The following SORBS2 variants were observed in gnomAD, a reference collection of about 807,000 sequenced individuals.
The protein encoded by SORBS2 is sorbin and SH3 domain containing 2.
Under a neutral mutation model 97.7 loss-of-function variants are expected in SORBS2, and 46 were observed. The observed-to-expected ratio is 0.47, with a 90% CI of 0.37 to 0.60. SORBS2 has a LOEUF of 0.60. Ranked by LOEUF, SORBS2 falls within the 20% of genes least tolerant of loss-of-function variation. The probability of loss-of-function intolerance (pLI) is 0.00; values close to 1 mark genes in which losing one functional copy is unlikely to be tolerated. For missense variants in SORBS2, 1,316 were observed against 1,282.3 expected, an observed-to-expected ratio of 1.03 and a Z score of -0.40; for synonymous variants, 476 against 473.4, an observed-to-expected ratio of 1.01 and a Z score of -0.07.
intron 2 of SORBS2, among the ~76,000 whole-genome samples, chr4:185,687,937 G>A (rs1561920434): frequency 2.0e-5 from 3 of 152,154 alleles, no homozygotes; most frequent in East Asian, 1.9e-4. Context: ...GAATCCTAAC[G>A]CTGGTCTTGC....
intron 1 of SORBS2, among the ~76,000 whole-genome samples, chr4:185,874,581 A>G (rs72707664): frequency 0.22 from 33,308 of 152,114 alleles, 4,179 homozygotes; most frequent in East Asian, 0.54. Flanking sequence ...TCAAGCTAAG[A>G]AGCAGCTTTA....
chr4:185,626,807 T>C (rs770062460), intron 6 of SORBS2, 25 bp downstream of exon 18: 3 of 1,608,302 alleles, frequency 1.9e-6, no homozygotes, highest in Non-Finnish European at 2.6e-6. Flanking sequence ...TAGTAAATTG[T>C]TGTGTTTTCA....
exon 7 of SORBS2, chr4:185,624,231 G>A (rs761533513): frequency 1.7e-5 from 27 of 1,614,070 alleles, no homozygotes; most frequent in Non-Finnish European, 2.2e-5. Context: ...TTCGGGTCCG[G>A]GAAGCTATCG....
intron 1 of SORBS2, among the ~76,000 whole-genome samples, chr4:185,924,804 C>T (rs928785009): frequency 1.3e-5 from 2 of 152,236 alleles, no homozygotes; most frequent in African/African-American, 4.8e-5. Context: ...CCACTCCCTC[C>T]GTCTCTATAC....
intron 1 of SORBS2, among the ~76,000 whole-genome samples, chr4:185,834,424 T>C (rs561414008): frequency 1.4e-4 from 21 of 152,316 alleles, no homozygotes; most frequent in African/African-American, 5.1e-4. Context: ...ATTGTTAGCA[T>C]GTACACGTTT....
intron 1 of SORBS2, among the ~76,000 whole-genome samples, chr4:185,847,188 T>C (rs778714462): frequency 6.6e-4 from 100 of 152,342 alleles, no homozygotes; most frequent in Non-Finnish European, 1.1e-3. Context: ...GTAAGTCTGC[T>C]CCAGTGGACT....
At chr4:185,763,378 G>C (rs2098915479) in intron 2 of SORBS2, among the ~76,000 whole-genome samples, 1 of 152,036 alleles carries the variant, frequency 6.6e-6, no homozygotes, top group Non-Finnish European at 1.5e-5. Flanking sequence ...CTGCTATACT[G>C]GCCCTTCCTT....
intron 4 of SORBS2, chr4:185,677,670 T>C (rs1404676636): frequency 6.9e-7 from 1 of 1,449,396 alleles, no homozygotes; most frequent in South Asian, 1.4e-5. Context: ...GAGAAAGAAA[T>C]AAAGTTGAAA....
chr4:185,938,955 A>ACAT (rs2099270479), intron 1 of SORBS2, among the ~76,000 whole-genome samples: 1 of 152,200 alleles, frequency 6.6e-6, no homozygotes, highest in Non-Finnish European at 1.5e-5. Flanking sequence ...ACTTTTAAAG[A>ACAT]CATCACTACG....
At chr4:185,889,015 G>A (rs930342966) in intron 1 of SORBS2, among the ~76,000 whole-genome samples, 1 of 152,222 alleles carries the variant, frequency 6.6e-6, no homozygotes, top group Middle Eastern at 3.2e-3. Flanking sequence ...ATTATGCCTT[G>A]TGAGGCGATC....
At chr4:185,935,079 T>C (rs2099268323) in intron 1 of SORBS2, among the ~76,000 whole-genome samples, 1 of 152,168 alleles carries the variant, frequency 6.6e-6, no homozygotes, top group Non-Finnish European at 1.5e-5. Context: ...CAGCCAACAA[T>C]CAAGGCTAAT....
chr4:185,771,536 T>C (rs939926810), intron 2 of SORBS2: 19 of 152,338 alleles, frequency 1.2e-4, no homozygotes, highest in African/African-American at 4.3e-4. Context: ...AGCTTCTACA[T>C]ATGGCACTTC....
At chr4:185,955,010 A>C (rs1457700323) in intron 1 of SORBS2, among the ~76,000 whole-genome samples, 2 of 152,210 alleles carry the variant, frequency 1.3e-5, no homozygotes, top group Non-Finnish European at 2.9e-5. Flanking sequence ...TAGAAACTAT[A>C]ATCAATGCCT....
intron 1 of SORBS2, among the ~76,000 whole-genome samples, chr4:185,860,773 T>C (rs543916278): frequency 1.3e-5 from 2 of 152,164 alleles, no homozygotes; most frequent in African/African-American, 2.4e-5. Flanking sequence ...ACTTTCTGAT[T>C]GGCAGTTGGT....
In SORBS2 at chr4:185,868,992, C is replaced by T. The variant is rs577787715; in HGVS notation, c.-338+87204G>A. ...ATGGAGCATATGAGAAATACACAAT[C>T]GCAGCAAACTTCTGAACGCTTGGAC... On this transcript the variant is annotated intron_variant, in intron 1 of 20. Coordinates refer to the SORBS2 transcript ENST00000284776. Among the ~76,000 whole-genome samples the T allele has an allele frequency of 3.9e-5, 6 of 152,264 alleles. No homozygotes were observed. In the South Asian group the frequency reaches 6.2e-4, roughly 16 times the overall value.
At chr4:185,757,721 A>G (rs1024843542) in intron 2 of SORBS2, among the ~76,000 whole-genome samples, 2 of 152,238 alleles carry the variant, frequency 1.3e-5, no homozygotes, top group South Asian at 2.1e-4. Context: ...GGATTGTTCC[A>G]TGTTGTGGAA....
In SORBS2 at chr4:185,863,132, C is replaced by T. The variant is rs6819954; in HGVS notation, c.-337-87766G>A. Among the ~76,000 whole-genome samples, 1,397 of 152,260 alleles carry T rather than the reference C, an allele frequency of 9.2e-3. 21 individuals carry two copies. Among genetic ancestry groups the T allele is most frequent in the African/African-American group, 0.031 (1,296 of 41,534 alleles). On this transcript the variant is annotated intron_variant, in intron 1 of 20. Coordinates refer to the SORBS2 transcript ENST00000284776. Reference sequence around the variant, plus strand: ...CTAATTAGACTAAAGGCACGTCCCTCCACCTGGATTTGCATTTTTACATTA... The same window carrying T: ...CTAATTAGACTAAAGGCACGTCCCTTCACCTGGATTTGCATTTTTACATTA...
chr4:185,932,461 T>C (rs1441408591), intron 1 of SORBS2, among the ~76,000 whole-genome samples: 2 of 151,944 alleles, frequency 1.3e-5, no homozygotes, highest in African/African-American at 4.8e-5. Flanking sequence ...AATACTGTTA[T>C]CATTAACAAC....
chr4:185,652,699 C>T, exon 2 of SORBS2: 1 of 1,614,192 alleles, frequency 6.2e-7, no homozygotes, highest in Non-Finnish European at 8.5e-7. Flanking sequence ...TAAACATCGT[C>T]TTGTACCAGT....
Sources: gnomAD v4.1 joint callset for allele counts (sites outside exome capture counted in the v4.1 genomes callset) on GRCh38, gnomAD v4.1.1 for gene constraint, MANE v1.5 for transcripts, NCBI Gene and HGNC (gene_info 2026-07-23, HGNC 2026-07-21) for gene names.